SUGCT: variants seen among roughly 807,000 people sequenced by gnomAD.
SUGCT encodes succinyl-CoA:glutarate CoA-transferase.
In SUGCT, 41 loss-of-function variants were observed where a neutral mutation model predicts 55.0. The ratio of observed to expected loss-of-function variants is 0.74; its 90% CI spans 0.58 to 0.97. The LOEUF (loss-of-function observed/expected upper bound fraction) is 0.97, where lower values mean the gene tolerates loss of function less well. Ranked by LOEUF, SUGCT falls within the 50% of genes least tolerant of loss-of-function variation. The pLI, the probability that SUGCT is intolerant of heterozygous loss-of-function variation, is 0.00. For synonymous variants in SUGCT, 187 were observed against 200.4 expected, an observed-to-expected ratio of 0.93 and a Z score of 0.56; for missense variants, 568 against 547.8, an observed-to-expected ratio of 1.04 and a Z score of -0.37.
chr7:40,327,649 C>T lies in SUGCT; in HGVS notation c.816+10794C>T, dbSNP rs938386786. Among the ~76,000 whole-genome samples, 17 of 152,230 alleles carry T rather than the reference C, an allele frequency of 1.1e-4. No homozygotes were observed. In the South Asian group the frequency reaches 2.7e-3, roughly 24 times the overall value. On this transcript the variant is annotated intron_variant, in intron 9 of 13. Transcript: ENST00000335693. ...AGTAAAAGTAGTAAATCCCTAGTTC[C>T]TTTAAGATTTTTTCGGCTTTTCTTG...
intron 12 of SUGCT, among the ~76,000 whole-genome samples, chr7:40,711,560 T>C (rs990324419): frequency 2.0e-5 from 3 of 152,112 alleles, no homozygotes; most frequent in Non-Finnish European, 2.9e-5. Context: ...AATTTGATAA[T>C]GGAGACGTTA....
chr7:40,383,387 C>G (rs1784965259), intron 9 of SUGCT, among the ~76,000 whole-genome samples: 1 of 152,100 alleles, frequency 6.6e-6, no homozygotes, highest in Non-Finnish European at 1.5e-5. Flanking sequence ...ATGATTCATC[C>G]CATTTCTATT....
At chr7:40,316,070 G>A (rs955925962) in intron 8 of SUGCT, among the ~76,000 whole-genome samples, 8 of 152,008 alleles carry the variant, frequency 5.3e-5, no homozygotes, top group Non-Finnish European at 8.8e-5. Context: ...TTAATAGATC[G>A]GCAGTTCTCA....
chr7:40,352,237 A>G (rs1421481337), intron 9 of SUGCT, among the ~76,000 whole-genome samples: 2 of 152,072 alleles, frequency 1.3e-5, no homozygotes, highest in Non-Finnish European at 2.9e-5. Context: ...TTTTGCATGC[A>G]TTTGTGTGTT....
chr7:40,605,691 G>T (rs1483660062), intron 12 of SUGCT, among the ~76,000 whole-genome samples: 1 of 152,176 alleles, frequency 6.6e-6, no homozygotes, highest in African/African-American at 2.4e-5. Context: ...TTAATTGCGA[G>T]GGAAACACAG....
the SUGCT span, among the ~76,000 whole-genome samples, chr7:40,947,306 T>C: frequency 6.6e-6 from 1 of 152,210 alleles, no homozygotes; most frequent in African/African-American, 2.4e-5. Flanking sequence ...AAAAATAATT[T>C]CTATTTCTAT....
intron 9 of SUGCT, among the ~76,000 whole-genome samples, chr7:40,392,330 A>G (rs1284859428): frequency 6.6e-6 from 1 of 152,180 alleles, no homozygotes; most frequent in East Asian, 1.9e-4. Flanking sequence ...CAAATTAGAT[A>G]TAGAGATGAA....
At chr7:40,447,871 G>A (rs1788934829) in intron 9 of SUGCT, among the ~76,000 whole-genome samples, 2 of 152,120 alleles carry the variant, frequency 1.3e-5, no homozygotes, top group South Asian at 4.1e-4. Context: ...TAGAAAGGAT[G>A]AAAATTCAAA....
At chr7:40,551,605 C>T (rs147377306) in intron 12 of SUGCT, among the ~76,000 whole-genome samples, 3 of 152,142 alleles carry the variant, frequency 2.0e-5, no homozygotes, top group African/African-American at 4.8e-5. Context: ...TCCACATACA[C>T]CCATGGGCAC....
rs778980265 is a variant in SUGCT, at chr7:40,499,061, C to A, written c.1089+2675C>A. 8 of 456,612 alleles carry A rather than the reference C, an allele frequency of 1.8e-5. 1 individual carries two copies. The highest frequency in any genetic ancestry group is 1.2e-4 in the South Asian group (8 of 64,546). 28.3% of individuals were successfully genotyped at this position (456,612 alleles called of 1,614,324 possible). Reference sequence around the variant, plus strand: ...TCTGATGAGCTGCAGAGTTTCTTGGCGCTTGGTGCATGGAAACGGCCACTT... The same window carrying A: ...TCTGATGAGCTGCAGAGTTTCTTGGAGCTTGGTGCATGGAAACGGCCACTT... On this transcript the variant is annotated intron_variant, in intron 12 of 13. Coordinates refer to ENST00000335693, the MANE Select transcript of SUGCT (RefSeq NM_001193313.2).
the SUGCT span, among the ~76,000 whole-genome samples, chr7:40,938,210 G>A: frequency 8.5e-5 from 13 of 152,110 alleles, no homozygotes. Context: ...TGTTTGATTG[G>A]CATGATTACT....
At chr7:40,931,002 T>A in the SUGCT span, among the ~76,000 whole-genome samples, 7 of 152,186 alleles carry the variant, frequency 4.6e-5, no homozygotes, top group African/African-American at 1.7e-4. Flanking sequence ...CTTGTGCCAG[T>A]TTTCAAAGGG....
At chr7:40,582,195 T>C (rs190996892) in intron 12 of SUGCT, among the ~76,000 whole-genome samples, 1 of 152,068 alleles carries the variant, frequency 6.6e-6, no homozygotes, top group African/African-American at 2.4e-5. Context: ...TTCTATAAGG[T>C]CATCACAGAT....
chr7:40,488,551 GTACT>G (rs1389660131), intron 11 of SUGCT, among the ~76,000 whole-genome samples: 4 of 152,100 alleles, frequency 2.6e-5, no homozygotes, highest in Admixed American at 2.0e-4. Context: ...ATTTGATTGT[GTACT>G]TACTTTTATC....
the SUGCT span, among the ~76,000 whole-genome samples, chr7:41,008,393 C>G: frequency 6.6e-6 from 1 of 152,202 alleles, no homozygotes; most frequent in African/African-American, 2.4e-5. Flanking sequence ...CCTCCTCTCA[C>G]ATCCGGGTTT....
chr7:40,860,418 A>ATGACAGGG lies in SUGCT; in HGVS notation c.1257_1264dup (p.Ala422ValfsTer57). On this transcript the variant is annotated frameshift_variant, in exon 14 of 14. Transcript: ENST00000335693. LOFTEE classifies it high-confidence loss of function. Reference sequence around the variant, plus strand: ...ATCCTGAAGGAGGTCCTGAGATACGATGACAGGGCCATCGGGGAGCTGCTC... The same window carrying ATGACAGGG: ...ATCCTGAAGGAGGTCCTGAGATACGATGACAGGGTGACAGGGCCATCGGGGAGCTGCTC... 1 of 1,613,946 alleles carries ATGACAGGG rather than the reference A, an allele frequency of 6.2e-7. No individual in the cohort carries two copies. Among genetic ancestry groups the ATGACAGGG allele is most frequent in the Non-Finnish European group, 8.5e-7 (1 of 1,179,838 alleles).
intron 7 of SUGCT, among the ~76,000 whole-genome samples, chr7:40,267,637 T>G (rs1236955064): frequency 6.6e-6 from 1 of 152,168 alleles, no homozygotes; most frequent in Non-Finnish European, 1.5e-5. Context: ...CAGGGCTCTG[T>G]GGAGTTCCAG....
At chr7:40,213,128 ATTATC>A (rs1480347752) in intron 6 of SUGCT, among the ~76,000 whole-genome samples, 1 of 152,164 alleles carries the variant, frequency 6.6e-6, no homozygotes, top group East Asian at 1.9e-4. Context: ...TGTCTTATCA[ATTATC>A]TTATCAATTA....
At chr7:40,139,824 G>C (rs1318334763) in intron 1 of SUGCT, among the ~76,000 whole-genome samples, 1 of 152,028 alleles carries the variant, frequency 6.6e-6, no homozygotes, top group African/African-American at 2.4e-5. Flanking sequence ...GTCTAGAAGA[G>C]TTTCCCCTAG....
Sources: gnomAD v4.1 joint callset for allele counts (sites outside exome capture counted in the v4.1 genomes callset) on GRCh38, gnomAD v4.1.1 for gene constraint, MANE v1.5 for transcripts, NCBI Gene and HGNC (gene_info 2026-07-23, HGNC 2026-07-21) for gene names.